MGAT4A: variants seen among roughly 807,000 people sequenced by gnomAD.
MGAT4A encodes alpha-1,3-mannosyl-glycoprotein 4-beta-N-acetylglucosaminyltransferase A, also known as N-acetylglucosaminyltransferase IVa.
A neutral mutation model predicts 74.1 loss-of-function variants in MGAT4A; 33 were observed. The observed-to-expected ratio is 0.45, with a 90% CI of 0.34 to 0.60. The LOEUF (loss-of-function observed/expected upper bound fraction) is 0.60, where lower values mean the gene tolerates loss of function less well. Ranked by LOEUF, MGAT4A falls within the 20% of genes least tolerant of loss-of-function variation. The pLI is 0.02. For synonymous variants in MGAT4A, 198 were observed against 210.4 expected, an observed-to-expected ratio of 0.94 and a Z score of 0.51; for missense variants, 479 against 628.3, an observed-to-expected ratio of 0.76 and a Z score of 2.54.
intron 4 of MGAT4A, among the ~76,000 whole-genome samples, chr2:98,668,407 A>G (rs1701866979): frequency 1.3e-5 from 2 of 152,218 alleles, no homozygotes; most frequent in Admixed American, 6.5e-5. Context: ...GGCAGCTTCC[A>G]TGTGGTGTTG....
intron 10 of MGAT4A, among the ~76,000 whole-genome samples, chr2:98,643,038 T>C (rs1170845687): frequency 6.6e-6 from 1 of 152,216 alleles, no homozygotes; most frequent in African/African-American, 2.4e-5. Context: ...CAGTAATACT[T>C]ATCATTACAC....
intron 13 of MGAT4A, among the ~76,000 whole-genome samples, chr2:98,635,839 T>A (rs145445753): frequency 0.011 from 1,700 of 151,076 alleles, 20 homozygotes; most frequent in Middle Eastern, 0.027. Flanking sequence ...AATACAAAAA[T>A]TAGCTGGGCA....
intron 8 of MGAT4A, among the ~76,000 whole-genome samples, chr2:98,648,448 T>C (rs535624280): frequency 6.0e-4 from 91 of 152,054 alleles, no homozygotes; most frequent in African/African-American, 2.0e-3. Flanking sequence ...TGCAGTGAGC[T>C]GAGATCACAC....
chr2:98,641,797 A>G (rs982743225), intron 10 of MGAT4A, among the ~76,000 whole-genome samples: 3 of 152,038 alleles, frequency 2.0e-5, no homozygotes, highest in Non-Finnish European at 4.4e-5. Flanking sequence ...GATTGAGACC[A>G]TTCTGGCCAA....
At chr2:98,663,239 T>C in intron 4 of MGAT4A, 60 bp from the exon 5 acceptor site, 1 of 1,527,908 alleles carries the variant, frequency 6.5e-7, no homozygotes, top group Non-Finnish European at 8.9e-7. Flanking sequence ...AGAAAAACAC[T>C]TCTATTTCAA....
chr2:98,640,828 T>C lies in MGAT4A; in HGVS notation c.1021-600A>G, dbSNP rs375021924. Among the ~76,000 whole-genome samples, 455 of 152,312 alleles carry C rather than the reference T, an allele frequency of 3.0e-3. 2 individuals are homozygous for C. The highest frequency in any genetic ancestry group is 7.2e-3 in the South Asian group (35 of 4,828). ...ACACATGTCAACAAAGATTTGACTTTTAATATTAAAATGAATAAACTATAG... is the reference window on the plus strand; with the variant it reads ...ACACATGTCAACAAAGATTTGACTTCTAATATTAAAATGAATAAACTATAG... On this transcript the variant is annotated intron_variant, in intron 10 of 15. Transcript: ENST00000393487.
At chr2:98,707,619 T>A (rs925883734) in intron 2 of MGAT4A, among the ~76,000 whole-genome samples, 9 of 152,170 alleles carry the variant, frequency 5.9e-5, no homozygotes, top group Non-Finnish European at 1.3e-4. Flanking sequence ...CATACCAGTC[T>A]CATGAGAGCT....
intron 2 of MGAT4A, among the ~76,000 whole-genome samples, chr2:98,710,307 T>A (rs543603616): frequency 3.3e-4 from 51 of 152,350 alleles, no homozygotes; most frequent in Middle Eastern, 3.4e-3. Flanking sequence ...CCTAACATGG[T>A]ATCCGGTAGC....
Position 98,675,098 on chromosome 2 carries a change from G to C in MGAT4A, c.340C>G (p.His114Asp). 1 of 1,612,584 alleles carries C rather than the reference G, an allele frequency of 6.2e-7. No individual in the cohort carries two copies. The highest frequency in any genetic ancestry group is 8.5e-7 in the Non-Finnish European group (1 of 1,179,334). ...QVPSIYYHLP[H>D]LLKNEGSLQP... is the part of the protein sequence containing the mutation. ...AGACTTCCTTCATTTTTCAATAAAT[G>C]AGGCAAATGATAATAAATACTTGGC... The change falls in exon 4 of 16, where the codon CAT becomes GAT. Residue 114 changes from histidine to aspartate, a missense_variant. This residue lies in a region of MGAT4A where 205 missense variants were observed against 232.7 expected (regional missense o/e 0.88). Transcript: ENST00000393487.
chr2:98,641,573 G>A (rs1194389260), intron 10 of MGAT4A, among the ~76,000 whole-genome samples: 2 of 151,764 alleles, frequency 1.3e-5, no homozygotes, highest in African/African-American at 4.8e-5. Flanking sequence ...CTATGCAGGA[G>A]GCTGAGGCAG....
At chr2:98,676,649 T>A (rs1431912852) in intron 3 of MGAT4A, among the ~76,000 whole-genome samples, 1 of 152,136 alleles carries the variant, frequency 6.6e-6, no homozygotes, top group African/African-American at 2.4e-5. Flanking sequence ...CCCATTTGAA[T>A]AACTGTAGAA....
chr2:98,661,464 G>A (rs377448440), intron 5 of MGAT4A, among the ~76,000 whole-genome samples: 1 of 152,090 alleles, frequency 6.6e-6, no homozygotes, highest in Non-Finnish European at 1.5e-5. Context: ...ACATATGTAT[G>A]TGTATATATA....
intron 13 of MGAT4A, 152 bp from the exon 14 acceptor site, chr2:98,635,440 T>C: frequency 1.8e-6 from 1 of 567,234 alleles, no homozygotes; most frequent in Non-Finnish European, 3.0e-6. Context: ...AAAAAACTTA[T>C]TAGATTAATA....
At chr2:98,667,696 TTTGTTGTTGTTG>T (rs142922685) in intron 4 of MGAT4A, among the ~76,000 whole-genome samples, 16 of 150,270 alleles carry the variant, frequency 1.1e-4, no homozygotes, top group African/African-American at 2.5e-4. Context: ...GCATTCAGTT[TTTGTTGTTGTTG>T]TTGTTGTTGT....
intron 5 of MGAT4A, 148 bp downstream of exon 5, chr2:98,662,898 A>C (rs1385453013): frequency 1.8e-6 from 1 of 540,988 alleles, no homozygotes; most frequent in Non-Finnish European, 3.0e-6. Flanking sequence ...TTCAATTTAC[A>C]TTAAACTACC....
At position 98,619,661 on chromosome 2, in the gene MGAT4A, A is replaced by G. The variant is rs1701017413; in HGVS notation, c.*5905T>C. On this transcript the variant is annotated 3_prime_UTR_variant, in exon 16 of 16. Transcript: ENST00000393487. ...AGCAGCCATTTTTAAGGCTCAGAGA[A>G]TATGTCTTCAAAAGATATTTTCACC... 1 of 152,256 alleles carries G rather than the reference A, an allele frequency of 6.6e-6. No homozygotes were observed. Among genetic ancestry groups the G allele is most frequent in the Non-Finnish European group, 1.5e-5 (1 of 68,042 alleles). The allele number at this position is 152,256 out of a possible 1,614,324, so 9.4% of individuals were successfully genotyped here. A position where few individuals can be genotyped will look rare whatever the true frequency, so the allele number is the denominator to read the frequency against.
chr2:98,715,317 C>CAAAA (rs201860893), intron 2 of MGAT4A, among the ~76,000 whole-genome samples: 202 of 63,042 alleles, frequency 3.2e-3, no homozygotes, highest in East Asian at 5.5e-3. Flanking sequence ...GACTTCATCT[C>CAAAA]AAAAAAAAAA....
At chr2:98,662,614 T>C (rs1238637673) in intron 5 of MGAT4A, among the ~76,000 whole-genome samples, 2 of 152,196 alleles carry the variant, frequency 1.3e-5, no homozygotes, top group Non-Finnish European at 2.9e-5. Flanking sequence ...CTAAATCTTT[T>C]GAGGAGACTA....
At position 98,639,909 on chromosome 2, in the gene MGAT4A, C is replaced by T. The variant is rs202225710; in HGVS notation, c.1221G>A (p.Thr407=). ...STSLKVYQGH[T]LEKTYMGEDF... is the part of the protein sequence containing the mutation. ...CCTCTCCCATGTAAGTTTTCTCCAG[C>T]GTATGCCCTTGGTAGACCTTCAAGG... The change falls in exon 12 of 16, where the codon ACG becomes ACA. Residue 407 remains threonine (T), a synonymous_variant. Transcript: ENST00000393487. 7.4e-6 allele frequency: 12 copies of T among 1,614,050 alleles called. No homozygotes were observed. The African/African-American group carries it at 1.1e-4, about 14-fold the overall frequency.
Sources: allele counts gnomAD v4.1 joint callset (sites outside exome capture counted in the v4.1 genomes callset), GRCh38; gene constraint gnomAD v4.1.1; regional missense constraint gnomAD v4.1.1; transcripts MANE v1.5; gene names NCBI Gene and HGNC (gene_info 2026-07-23, HGNC 2026-07-21).